The following SPAG16 variants were observed in gnomAD, a reference collection of about 807,000 sequenced individuals.
SPAG16 encodes sperm associated antigen 16.
Under a neutral mutation model 80.4 loss-of-function variants are expected in SPAG16, and 86 were observed. That is an observed-to-expected ratio of 1.07 (90% confidence interval 0.90 to 1.28). The LOEUF (loss-of-function observed/expected upper bound fraction) is 1.28, where lower values mean the gene tolerates loss of function less well. SPAG16 is among the 50% of genes most tolerant of loss of function. The pLI is 0.00. For synonymous variants in SPAG16, 294 were observed against 265.9 expected (o/e 1.11, Z -1.03); for missense variants, 870 against 765.3 (o/e 1.14, Z -1.61).
chr2:213,799,447 T>C (rs1433165131), intron 10 of SPAG16, among the ~76,000 whole-genome samples: 1 of 152,158 alleles, frequency 6.6e-6, no homozygotes, highest in Non-Finnish European at 1.5e-5. Context: ...GAATCAAATA[T>C]TTTATGAGAG....
intron 9 of SPAG16, among the ~76,000 whole-genome samples, chr2:213,431,081 G>A (rs1258573778): frequency 6.6e-6 from 1 of 152,078 alleles, no homozygotes; most frequent in Non-Finnish European, 1.5e-5. Flanking sequence ...CTAAACATGG[G>A]AAAGAAAGGT....
chr2:213,765,540 A>G (rs1433685299), intron 10 of SPAG16, among the ~76,000 whole-genome samples: 1 of 152,028 alleles, frequency 6.6e-6, no homozygotes, highest in African/African-American at 2.4e-5. Flanking sequence ...GAATCCACTT[A>G]CCTTTTTCTG....
rs183462684 is a variant in SPAG16, at chr2:213,975,398, A to G, written c.1401-38553A>G. 6.3e-3 allele frequency among the ~76,000 whole-genome samples: 954 copies of G among 151,752 alleles called. 16 individuals carry two copies. The highest frequency in any genetic ancestry group is 0.022 in the African/African-American group (898 of 41,520). ...AATTAATAGCAAAATGTTAACCAAA[A>G]TACTTAATAAAATGACAATTTATTA... On this transcript the variant is annotated intron_variant, in intron 12 of 15. Coordinates refer to ENST00000331683, the MANE Select transcript of SPAG16 (RefSeq NM_024532.5).
intron 15 of SPAG16, among the ~76,000 whole-genome samples, chr2:214,258,469 G>GTATA (rs1200065696): frequency 2.8e-4 from 19 of 68,134 alleles, no homozygotes; most frequent in East Asian, 2.8e-3. Context: ...GTATGTGTGT[G>GTATA]TGTATATATA....
intron 7 of SPAG16, among the ~76,000 whole-genome samples, chr2:213,363,156 G>GT (rs138129097): frequency 0.013 from 2,000 of 152,222 alleles, 22 homozygotes; most frequent in South Asian, 0.038. Flanking sequence ...TGTGAAAAAT[G>GT]TATCATTACA....
chr2:213,701,676 G>A (rs537706929), intron 10 of SPAG16, among the ~76,000 whole-genome samples: 3 of 152,356 alleles, frequency 2.0e-5, no homozygotes, highest in Admixed American at 1.3e-4. Context: ...ACTAGGCGAA[G>A]CTAGCTGGGC....
chr2:214,213,919 T>A (rs1470783510), intron 15 of SPAG16, among the ~76,000 whole-genome samples: 1 of 152,080 alleles, frequency 6.6e-6, no homozygotes, highest in Non-Finnish European at 1.5e-5. Context: ...ATGAGTGTGA[T>A]CTGTTTATAA....
At chr2:214,247,081 T>A (rs911248281) in intron 15 of SPAG16, among the ~76,000 whole-genome samples, 2 of 152,130 alleles carry the variant, frequency 1.3e-5, no homozygotes, top group African/African-American at 4.8e-5. Flanking sequence ...AAATTGTAAT[T>A]GAAAATGTAA....
chr2:214,037,870 TG>T (rs1432024338), intron 13 of SPAG16, among the ~76,000 whole-genome samples: 1 of 93,734 alleles, frequency 1.1e-5, no homozygotes, highest in Non-Finnish European at 3.1e-5. Flanking sequence ...GCCTGGTGTG[TG>T]TGTGTGTGTG....
intron 10 of SPAG16, among the ~76,000 whole-genome samples, chr2:213,810,564 G>A (rs1384178473): frequency 2.0e-5 from 3 of 152,124 alleles, no homozygotes; most frequent in Admixed American, 6.6e-5. Context: ...CCTCCTTAAA[G>A]AAAGAAAAAT....
Position 213,530,308 on chromosome 2 carries a change from C to T in SPAG16, c.1070+40218C>T, listed in dbSNP as rs532095041. On this transcript the variant is annotated intron_variant, in intron 10 of 15. Coordinates refer to ENST00000331683, the MANE Select transcript of SPAG16 (RefSeq NM_024532.5). The stretch of plus-strand genomic sequence containing the variant: ...TTGTTTACACCAGCATCACAACAAA[C>T]GTGAGTATTGCATTGTGCTGTGACA... Among the ~76,000 whole-genome samples, 20 of 152,236 alleles carry T rather than the reference C, an allele frequency of 1.3e-4. No individual in the cohort carries two copies. In the South Asian group the frequency reaches 3.3e-3, roughly 25 times the overall value.
intron 10 of SPAG16, among the ~76,000 whole-genome samples, chr2:213,626,431 T>TA (rs952706192): frequency 2.6e-5 from 4 of 151,994 alleles, no homozygotes; most frequent in African/African-American, 9.7e-5. Flanking sequence ...TTCATTTGCT[T>TA]AAAAAAATGG....
intron 10 of SPAG16, among the ~76,000 whole-genome samples, chr2:213,668,039 C>G (rs534297845): frequency 3.9e-5 from 6 of 152,080 alleles, no homozygotes; most frequent in East Asian, 3.9e-4. Context: ...CTCCTGAGTT[C>G]GAGCAATTCT....
At chr2:213,893,205 T>C (rs2076853810) in intron 11 of SPAG16, among the ~76,000 whole-genome samples, 1 of 152,144 alleles carries the variant, frequency 6.6e-6, no homozygotes, top group African/African-American at 2.4e-5. Flanking sequence ...AAGAATACTG[T>C]ATTCAACAAA....
intron 11 of SPAG16, among the ~76,000 whole-genome samples, chr2:213,863,705 A>G (rs1461959974): frequency 6.6e-6 from 1 of 152,084 alleles, no homozygotes; most frequent in Non-Finnish European, 1.5e-5. Flanking sequence ...AGAATAGCCA[A>G]TCGCTTATGT....
chr2:214,231,098 G>A (rs1213418702), intron 15 of SPAG16, among the ~76,000 whole-genome samples: 3 of 151,858 alleles, frequency 2.0e-5, no homozygotes, highest in African/African-American at 4.8e-5. Context: ...GTCCTATGTC[G>A]TTGGATCCAG....
At chr2:214,367,971 G>T (rs747920021) in intron 15 of SPAG16, among the ~76,000 whole-genome samples, 6 of 152,050 alleles carry the variant, frequency 3.9e-5, no homozygotes, top group South Asian at 4.1e-4. Flanking sequence ...ATAAACACAT[G>T]ATAAAAAGCT....
intron 12 of SPAG16, among the ~76,000 whole-genome samples, chr2:214,010,132 A>T (rs1318995322): frequency 6.8e-6 from 1 of 146,218 alleles, no homozygotes; most frequent in Non-Finnish European, 1.5e-5. Context: ...GATTTGTAAG[A>T]TGATAGATGC....
intron 15 of SPAG16, among the ~76,000 whole-genome samples, chr2:214,231,246 T>C (rs559626427): frequency 1.3e-4 from 20 of 152,132 alleles, no homozygotes; most frequent in Admixed American, 1.2e-3. Flanking sequence ...TAGCCTGGAA[T>C]AGAAAGGTAG....
Sources: allele counts gnomAD v4.1 joint callset (sites outside exome capture counted in the v4.1 genomes callset), GRCh38; gene constraint gnomAD v4.1.1; transcripts MANE v1.5; gene names NCBI Gene and HGNC (gene_info 2026-07-23, HGNC 2026-07-21).